RITA1: variants seen among roughly 807,000 people sequenced by gnomAD.
RITA1 encodes the protein RBPJ-interacting and tubulin-associated protein 1.
A neutral mutation model predicts 8.7 loss-of-function variants in RITA1; 15 were observed. The observed-to-expected ratio is 1.72, with a 90% CI of 1.15 to 2.65. The LOEUF (loss-of-function observed/expected upper bound fraction) is 2.65. RITA1 is among the 30% of genes most tolerant of loss of function. The pLI is 0.00. For synonymous variants in RITA1, 145 were observed against 156.2 expected, an observed-to-expected ratio of 0.93 and a Z score of 0.53; for missense variants, 330 against 363.8, an observed-to-expected ratio of 0.91 and a Z score of 0.76.
intron 3 of RITA1, 180 bp downstream of exon 3, chr12:113,187,228 TGA>T (rs1263401495): frequency 2.6e-5 from 17 of 652,860 alleles, no homozygotes; most frequent in Non-Finnish European, 4.3e-5. Flanking sequence ...ATGGATTAAA[TGA>T]GAGAGGGGTC....
At position 113,185,883 on chromosome 12, in the gene RITA1, C is replaced by G; in HGVS notation, c.-335C>G. On this transcript the variant is annotated 5_prime_UTR_variant, in exon 1 of 4. Coordinates refer to ENST00000548278, the MANE Select transcript of RITA1 (RefSeq NM_032848.3). ...GCTGCCGGGGGTCCGGGGCCCCAGG[C>G]ATTCCGGGCTGCAGATTGACGGGGA... 7.4e-7 allele frequency: 1 copy of G among 1,350,848 alleles called. No individual in the cohort carries two copies. The highest frequency in any genetic ancestry group is 1.0e-6 in the Non-Finnish European group (1 of 998,520). The allele number at this position is 1,350,848 out of a possible 1,614,324, so 83.7% of individuals were successfully genotyped here. A position where few individuals can be genotyped will look rare whatever the true frequency, so the allele number is the denominator to read the frequency against.
In RITA1 at chr12:113,191,202, C is replaced by T. The variant is rs1952596543; in HGVS notation, c.303-108C>T. 1.4e-6 allele frequency: 2 copies of T among 1,392,882 alleles called. No homozygotes were observed. Among genetic ancestry groups the T allele is most frequent in the Non-Finnish European group, 1.9e-6 (2 of 1,051,924 alleles). The allele number at this position is 1,392,882 out of a possible 1,614,324, so 86.3% of individuals were successfully genotyped here. A position where few individuals can be genotyped will look rare whatever the true frequency, so the allele number is the denominator to read the frequency against. On this transcript the variant is annotated intron_variant, in intron 3 of 3. Transcript: ENST00000548278. The surrounding 1 kb of genome is among the most constrained non-coding windows in gnomAD (Gnocchi z 4.0). ...GGGAGACAAGGACTCCTGGGATCTG[C>T]AGGCAACCCTCCTCTGCTGCTGCCA...
At position 113,188,787 on chromosome 12, in the gene RITA1, C is replaced by CTTT. The variant is rs760372956; in HGVS notation, c.302+1778_302+1780dup. 5.3e-4 allele frequency among the ~76,000 whole-genome samples: 39 copies of CTTT among 73,206 alleles called. 12 individuals are homozygous for CTTT. Among genetic ancestry groups the CTTT allele is most frequent in the East Asian group, 8.5e-4 (2 of 2,344 alleles). 48.0% of individuals were successfully genotyped at this position (73,206 alleles called of 152,430 possible). A position where few individuals can be genotyped will look rare whatever the true frequency, so the allele number is the denominator to read the frequency against. ...TATAATGTTATTTAGCCTTAGTTACCTTTTTTTTTTTTTTTTTTTTTTTTT... is the reference window on the plus strand; with the variant it reads ...TATAATGTTATTTAGCCTTAGTTACCTTTTTTTTTTTTTTTTTTTTTTTTTTTT... On this transcript the variant is annotated intron_variant, in intron 3 of 3. Transcript: ENST00000548278.
chr12:113,192,007 C>A lies in RITA1; in HGVS notation c.*190C>A. The A allele has an allele frequency of 1.3e-6, 1 of 764,474 alleles. No homozygotes were observed. Among genetic ancestry groups the A allele is most frequent in the Non-Finnish European group, 2.0e-6 (1 of 502,012 alleles). The allele number at this position is 764,474 out of a possible 1,614,324, so 47.4% of individuals were successfully genotyped here. A position where few individuals can be genotyped will look rare whatever the true frequency, so the allele number is the denominator to read the frequency against. Reference sequence around the variant, plus strand: ...TCTAGTCGATTCTTGCCTTTTTCTCCCGATTGCGGATTTGGGGGCCACCTC... The same window carrying A: ...TCTAGTCGATTCTTGCCTTTTTCTCACGATTGCGGATTTGGGGGCCACCTC... On this transcript the variant is annotated 3_prime_UTR_variant, in exon 4 of 4. Coordinates refer to ENST00000548278, the MANE Select transcript of RITA1 (RefSeq NM_032848.3).
chr12:113,185,961 G>C lies in RITA1; in HGVS notation c.-257G>C. 6.5e-7 allele frequency: 1 copy of C among 1,535,294 alleles called. No homozygotes were observed. Among genetic ancestry groups the C allele is most frequent in the Non-Finnish European group, 8.7e-7 (1 of 1,146,288 alleles). The stretch of plus-strand genomic sequence containing the variant: ...CCTCACCGACGGGTCCAGACCTGGT[G>C]GGAAGAAGGTGCGGGGACGGGTCCC... On this transcript the variant is annotated 5_prime_UTR_variant, in exon 1 of 4. Transcript: ENST00000548278.
rs1236159578 is a variant in RITA1, at chr12:113,191,718, C to T, written c.711C>T (p.Ser237=). 3 of 1,614,080 alleles carry T rather than the reference C, an allele frequency of 1.9e-6. No homozygotes were observed. The East Asian group carries it at 6.7e-5, about 36-fold the overall frequency. The change falls in exon 4 of 4, where the codon AGC becomes AGT. Residue 237 remains serine, a synonymous_variant. Coordinates refer to ENST00000548278, the MANE Select transcript of RITA1 (RefSeq NM_032848.3). The surrounding 1 kb of genome is among the most constrained non-coding windows in gnomAD (Gnocchi z 4.0). ...RPSTSGVTFR[S]PLVTSRARSV... ...CCACGTCAGGGGTGACCTTCCGGAG[C>T]CCCCTGGTGACTTCCAGGGCTCGCT...
At chr12:113,188,639 C>CTTTTCTCATT (rs1424856600) in intron 3 of RITA1, among the ~76,000 whole-genome samples, 2 of 151,860 alleles carry the variant, frequency 1.3e-5, no homozygotes, top group African/African-American at 4.8e-5. Context: ...ATCATAGGGC[C>CTTTTCTCATT]TTTTCTCATT....
chr12:113,186,739 C>G lies in RITA1; in HGVS notation c.-8C>G, dbSNP rs1261281464. The G allele has an allele frequency of 1.2e-6, 2 of 1,611,752 alleles. No individual in the cohort carries two copies. The highest frequency in any genetic ancestry group is 2.2e-5 in the South Asian group (2 of 91,042). The stretch of plus-strand genomic sequence containing the variant: ...GCACACCTGCTGTCACCAGGGACCA[C>G]AGGCAGCATGAAGACCCCCGTGGAG... On this transcript the variant is annotated 5_prime_UTR_variant, in exon 3 of 4. Coordinates refer to ENST00000548278, the MANE Select transcript of RITA1 (RefSeq NM_032848.3).
At position 113,188,787 on chromosome 12, in the gene RITA1, CTTTTTTTTTTTTTTTTTTTTTT is replaced by C. The variant is rs760372956; in HGVS notation, c.302+1759_302+1780del. Among the ~76,000 whole-genome samples, 281 of 73,184 alleles carry C rather than the reference CTTTTTTTTTTTTTTTTTTTTTT, an allele frequency of 3.8e-3. 4 individuals are homozygous for C. Among genetic ancestry groups the C allele is most frequent in the Non-Finnish European group, 4.7e-3 (181 of 38,228 alleles). The allele number at this position is 73,184 out of a possible 152,430, so 48.0% of individuals were successfully genotyped here. ...TATAATGTTATTTAGCCTTAGTTAC[CTTTTTTTTTTTTTTTTTTTTTT>C]TTTTTTTTTTTTTTTTTTTGAGATG... is the stretch of plus-strand genomic sequence containing the variant. On this transcript the variant is annotated intron_variant, in intron 3 of 3. Coordinates refer to ENST00000548278, the MANE Select transcript of RITA1 (RefSeq NM_032848.3).
chr12:113,190,949 C>T (rs1051580239), intron 3 of RITA1, among the ~76,000 whole-genome samples: 10 of 152,348 alleles, frequency 6.6e-5, no homozygotes, highest in Non-Finnish European at 1.5e-4. Flanking sequence ...CTAGTGGTTT[C>T]TGCAAGGTCC....
chr12:113,190,070 C>T (rs1438714606), intron 3 of RITA1, among the ~76,000 whole-genome samples: 1 of 148,420 alleles, frequency 6.7e-6, no homozygotes, highest in South Asian at 2.1e-4. Context: ...TGACTCTTGC[C>T]TGTAATCCCA....
chr12:113,191,631 C>T lies in RITA1; in HGVS notation c.624C>T (p.Pro208=). 1 of 1,614,154 alleles carries T rather than the reference C, an allele frequency of 6.2e-7. No homozygotes were observed. Among genetic ancestry groups the T allele is most frequent in the Non-Finnish European group, 8.5e-7 (1 of 1,180,024 alleles). The change falls in exon 4 of 4, where the codon CCC becomes CCT. Residue 208 remains proline (P), a synonymous_variant. Transcript: ENST00000548278. The surrounding 1 kb of genome is among the most constrained non-coding windows in gnomAD (Gnocchi z 4.0). ...LSHSLTHLNV[P]STGHPATSAP... is the part of the protein sequence containing the mutation. ...ATTCCCTCACCCACCTGAATGTCCC[C>T]AGCACTGGTCATCCAGCCACCAGTG...
chr12:113,186,432 C>G, intron 2 of RITA1, 116 bp downstream of exon 2: 1 of 1,370,850 alleles, frequency 7.3e-7, no homozygotes, highest in Non-Finnish European at 9.4e-7. Context: ...TAAATAGACA[C>G]AGGTGTCATC....
chr12:113,185,997 G>A lies in RITA1; in HGVS notation c.-221G>A. On this transcript the variant is annotated 5_prime_UTR_variant, in exon 1 of 4. Coordinates refer to ENST00000548278, the MANE Select transcript of RITA1 (RefSeq NM_032848.3). ...GCGGGGACGGGTCCCTGAGGATCCCGATGCCTACGAGCCAAGATGCTCAGG... is the reference window on the plus strand; with the variant it reads ...GCGGGGACGGGTCCCTGAGGATCCCAATGCCTACGAGCCAAGATGCTCAGG... 2 of 1,535,950 alleles carry A rather than the reference G, an allele frequency of 1.3e-6. No individual in the cohort carries two copies. The highest frequency in any genetic ancestry group is 1.4e-5 in the African/African-American group (1 of 73,178).
rs1470054798 is a variant in RITA1, at chr12:113,188,466, C to T, written c.302+1418C>T. Among the ~76,000 whole-genome samples, 4 of 152,118 alleles carry T rather than the reference C, an allele frequency of 2.6e-5. No homozygotes were observed. The South Asian group carries it at 6.2e-4, about 24-fold the overall frequency. The stretch of plus-strand genomic sequence containing the variant: ...AGGTGATCCACCTGCCTTGGCCTCC[C>T]GAAGTGCTGGGATTACAGGCATGAG... On this transcript the variant is annotated intron_variant, in intron 3 of 3. Coordinates refer to ENST00000548278, the MANE Select transcript of RITA1 (RefSeq NM_032848.3).
In RITA1 at chr12:113,190,235, G is replaced by A. The variant is rs898585269; in HGVS notation, c.303-1075G>A. ...TAATCCCGCCTACTCAGGAGGCTGAGGCAGGAGAATCGCTTGAACCCAGGA... is the reference window on the plus strand; with the variant it reads ...TAATCCCGCCTACTCAGGAGGCTGAAGCAGGAGAATCGCTTGAACCCAGGA... On this transcript the variant is annotated intron_variant, in intron 3 of 3. Transcript: ENST00000548278. 3.3e-5 allele frequency among the ~76,000 whole-genome samples: 5 copies of A among 151,732 alleles called. No homozygotes were observed. The South Asian group carries it at 6.2e-4, about 19-fold the overall frequency.
Position 113,186,757 on chromosome 12 carries a change from C to T in RITA1, c.11C>T (p.Pro4Leu). The T allele has an allele frequency of 1.2e-6, 2 of 1,613,236 alleles. No individual in the cohort carries two copies. The highest frequency in any genetic ancestry group is 2.7e-5 in the African/African-American group (2 of 75,064). MKT[P>L]VELAVSGMQT... ...GGGACCACAGGCAGCATGAAGACCC[C>T]CGTGGAGCTGGCCGTCAGTGGGATG... is the stretch of plus-strand genomic sequence containing the variant. Residue 4 changes from proline (P) to leucine (L), a missense_variant, in exon 3 of 4, where the codon CCC becomes CTC. Pro to Leu is a moderately conservative substitution (Grantham distance 98). Coordinates refer to ENST00000548278, the MANE Select transcript of RITA1 (RefSeq NM_032848.3).
Position 113,192,134 on chromosome 12 carries a change from G to T in RITA1, c.*317G>T. 3.3e-6 allele frequency: 1 copy of T among 304,084 alleles called. No homozygotes were observed. Among genetic ancestry groups the T allele is most frequent in the Non-Finnish European group, 6.1e-6 (1 of 164,112 alleles). 18.8% of individuals were successfully genotyped at this position (304,084 alleles called of 1,614,324 possible). On this transcript the variant is annotated 3_prime_UTR_variant, in exon 4 of 4. Transcript: ENST00000548278. The stretch of plus-strand genomic sequence containing the variant: ...CATCCATTGTCTTGCTGCCAAGTGC[G>T]AATAAACGGCGTGATTGCCAACCTG...
At chr12:113,187,938 C>T (rs1248754171) in intron 3 of RITA1, among the ~76,000 whole-genome samples, 2 of 152,154 alleles carry the variant, frequency 1.3e-5, no homozygotes, top group Admixed American at 1.3e-4. Flanking sequence ...AGCCACAGGG[C>T]TCTGTCCTGT....
Sources: allele counts gnomAD v4.1 joint callset (sites outside exome capture counted in the v4.1 genomes callset), GRCh38; gene constraint gnomAD v4.1.1; non-coding constraint Gnocchi (gnomAD v3.1); transcripts MANE v1.5; gene names NCBI Gene and HGNC (gene_info 2026-07-23, HGNC 2026-07-21).